INO80D: variants seen among roughly 807,000 people sequenced by gnomAD.
The protein encoded by INO80D is INO80 complex subunit D.
In INO80D, 21 loss-of-function variants were observed where a neutral mutation model predicts 87.6. The observed-to-expected ratio is 0.24, with a 90% CI of 0.17 to 0.35. The LOEUF is 0.35. INO80D is among the 10% of genes least tolerant of loss of function. The pLI is 1.00. For missense variants in INO80D, 982 were observed against 1,280.7 expected (o/e 0.77, Z 3.56); for synonymous variants, 440 against 491.0 (o/e 0.90, Z 1.37).
intron 8 of INO80D, among the ~76,000 whole-genome samples, chr2:206,011,769 T>C (rs967999173): frequency 2.0e-5 from 3 of 152,206 alleles, no homozygotes; most frequent in Non-Finnish European, 4.4e-5. Context: ...TTCTAAGTGC[T>C]AGGGATACAG....
chr2:206,059,192 C>T (rs1252682568), intron 3 of INO80D, among the ~76,000 whole-genome samples: 3 of 152,004 alleles, frequency 2.0e-5, no homozygotes, highest in Non-Finnish European at 4.4e-5. Flanking sequence ...ACCAGCCTGG[C>T]CAACGTGGTG....
intron 1 of INO80D, among the ~76,000 whole-genome samples, chr2:206,075,887 C>T (rs1468408300): frequency 6.6e-6 from 1 of 151,522 alleles, no homozygotes; most frequent in African/African-American, 2.4e-5. Flanking sequence ...AACCCAGTCT[C>T]TACAAAATAC....
rs938861745 is a variant in INO80D, at chr2:205,995,681, T to G, written c.*8687A>C. ...AAGCATATGTACACATGCTCTGACA[T>G]GTATATATACACTTTTGTCTGTGTG... is the stretch of plus-strand genomic sequence containing the variant. On this transcript the variant is annotated 3_prime_UTR_variant, in exon 11 of 11. Coordinates refer to ENST00000403263, the MANE Select transcript of INO80D (RefSeq NM_017759.5). 2 of 152,148 alleles carry G rather than the reference T, an allele frequency of 1.3e-5. No homozygotes were observed. Among genetic ancestry groups the G allele is most frequent in the African/African-American group, 4.8e-5 (2 of 41,446 alleles). 9.4% of individuals were successfully genotyped at this position (152,148 alleles called of 1,614,324 possible).
At chr2:206,005,857 G>A (rs147431349) in intron 10 of INO80D, among the ~76,000 whole-genome samples, 120 of 152,230 alleles carry the variant, frequency 7.9e-4, no homozygotes, top group African/African-American at 2.8e-3. Flanking sequence ...GTGATTATAC[G>A]TGTTTTTAAC....
At chr2:206,078,287 C>T (rs772769648) in intron 1 of INO80D, among the ~76,000 whole-genome samples, 9 of 151,868 alleles carry the variant, frequency 5.9e-5, no homozygotes, top group Non-Finnish European at 8.8e-5. Flanking sequence ...CGTGGTGGCA[C>T]GCGCCTGTAG....
At chr2:206,042,605 C>T (rs983173463) in intron 5 of INO80D, among the ~76,000 whole-genome samples, 2 of 148,092 alleles carry the variant, frequency 1.4e-5, no homozygotes, top group South Asian at 2.1e-4. Context: ...CACTTGAACT[C>T]GGGGGGCGGA....
Position 206,019,775 on chromosome 2 carries a change from C to G in INO80D, c.1369G>C (p.Ala457Pro). ...CSGTVKGEQC[A>P]NKALPFTRHC... ...CTGGTGAATGGAAGGGCTTTGTTAG[C>G]GCACTGTTCACCCTTCACGGTTCCA... Residue 457 changes from alanine (A) to proline (P), a missense_variant, in exon 7 of 11, where the codon GCT (alanine) becomes CCT (proline). Coordinates refer to ENST00000403263, the MANE Select transcript of INO80D (RefSeq NM_017759.5). 1 of 1,613,798 alleles carries G rather than the reference C, an allele frequency of 6.2e-7. No homozygotes were observed. Among genetic ancestry groups the G allele is most frequent in the Non-Finnish European group, 8.5e-7 (1 of 1,179,806 alleles).
intron 3 of INO80D, among the ~76,000 whole-genome samples, chr2:206,058,740 AAAC>A (rs1012029350): frequency 6.6e-5 from 10 of 152,150 alleles, no homozygotes; most frequent in African/African-American, 1.7e-4. Flanking sequence ...CTCAAAAAAC[AAAC>A]AACAAAAAAA....
At chr2:206,024,087 T>C (rs2105825863) in intron 6 of INO80D, among the ~76,000 whole-genome samples, 1 of 152,320 alleles carries the variant, frequency 6.6e-6, no homozygotes, top group African/African-American at 2.4e-5. Context: ...CTACTAAAAG[T>C]ATACACTTGA....
chr2:206,026,951 T>C (rs1342522787), intron 6 of INO80D, among the ~76,000 whole-genome samples: 2 of 152,140 alleles, frequency 1.3e-5, no homozygotes, highest in African/African-American at 2.4e-5. Flanking sequence ...GAGGGAAAAC[T>C]AGAAAACTCA....
intron 1 of INO80D, among the ~76,000 whole-genome samples, chr2:206,073,010 T>A (rs184854564): frequency 7.9e-5 from 12 of 152,228 alleles, no homozygotes; most frequent in African/African-American, 2.6e-4. Context: ...ACTAATTTTT[T>A]AATTTATTGT....
chr2:206,076,030 C>A (rs1690106608), intron 1 of INO80D, among the ~76,000 whole-genome samples: 1 of 139,140 alleles, frequency 7.2e-6, no homozygotes, highest in Non-Finnish European at 1.5e-5. Context: ...CCAGCCTGGG[C>A]AATAGAGTGA....
At chr2:206,011,453 G>A (rs569558199) in intron 8 of INO80D, among the ~76,000 whole-genome samples, 3 of 152,292 alleles carry the variant, frequency 2.0e-5, no homozygotes, top group Non-Finnish European at 2.9e-5. Context: ...CGCCTCCAGA[G>A]AGCTAGAGCC....
rs940393926 is a variant in INO80D, at chr2:205,997,743, A to G, written c.*6625T>C. ...CAAAGGTTAACATAAAATGCACATG[A>G]TATCAGAGCTAGCCTTTTAACATAA... On this transcript the variant is annotated 3_prime_UTR_variant, in exon 11 of 11. Transcript: ENST00000403263. 1.3e-5 allele frequency: 2 copies of G among 152,224 alleles called. No homozygotes were observed. Among genetic ancestry groups the G allele is most frequent in the African/African-American group, 4.8e-5 (2 of 41,472 alleles). The allele number at this position is 152,224 out of a possible 1,614,324, so 9.4% of individuals were successfully genotyped here.
intron 8 of INO80D, among the ~76,000 whole-genome samples, chr2:206,016,993 T>C (rs952536585): frequency 4.6e-5 from 7 of 152,132 alleles, no homozygotes; most frequent in African/African-American, 1.7e-4. Context: ...AACGGACTAA[T>C]ACACCAGTGA....
In INO80D at chr2:206,085,601, C is replaced by T. The variant is rs1187579908; in HGVS notation, c.-124+300G>A. The T allele has an allele frequency of 3.4e-5, 5 of 149,136 alleles. No individual in the cohort carries two copies. The allele number at this position is 149,136 out of a possible 1,614,324, so 9.2% of individuals were successfully genotyped here. A position where few individuals can be genotyped will look rare whatever the true frequency, so the allele number is the denominator to read the frequency against. On this transcript the variant is annotated intron_variant, in intron 1 of 10. Transcript: ENST00000403263. The surrounding 1 kb of genome is among the most constrained non-coding windows in gnomAD (Gnocchi z 4.5). ...GGCCTACCGGCGCCCCCCCCTCCCG[C>T]CGCACACCCCCACCTGGCCCGCGCA...
chr2:205,994,792 A>G lies in INO80D; in HGVS notation c.*9576T>C, dbSNP rs542578347. 6.6e-6 allele frequency: 1 copy of G among 152,118 alleles called. No homozygotes were observed. The highest frequency in any genetic ancestry group is 2.1e-4 in the South Asian group (1 of 4,818). The allele number at this position is 152,118 out of a possible 1,614,324, so 9.4% of individuals were successfully genotyped here. ...TTAATAGTCTTGCATTCAGTGTGTC[A>G]AATTGATGTACTAATGAAAAATACC... is the stretch of plus-strand genomic sequence containing the variant. On this transcript the variant is annotated 3_prime_UTR_variant, in exon 11 of 11. Coordinates refer to ENST00000403263, the MANE Select transcript of INO80D (RefSeq NM_017759.5).
chr2:206,073,943 C>T (rs1408447418), intron 1 of INO80D, among the ~76,000 whole-genome samples: 1 of 151,952 alleles, frequency 6.6e-6, no homozygotes, highest in Non-Finnish European at 1.5e-5. Context: ...CTCCTAGTCT[C>T]AGTGAGCCTC....
At chr2:206,006,396 T>C (rs1368890107) in intron 10 of INO80D, among the ~76,000 whole-genome samples, 2 of 152,274 alleles carry the variant, frequency 1.3e-5, no homozygotes, top group Admixed American at 6.5e-5. Flanking sequence ...TCAAAACTCA[T>C]GTTCGGCTGG....
Sources: allele counts gnomAD v4.1 joint callset (sites outside exome capture counted in the v4.1 genomes callset), GRCh38; gene constraint gnomAD v4.1.1; non-coding constraint Gnocchi (gnomAD v3.1); transcripts MANE v1.5; gene names NCBI Gene and HGNC (gene_info 2026-07-23, HGNC 2026-07-21).